Variants in SLC10A7 observed in about 807,000 individuals in gnomAD.
The protein encoded by SLC10A7 is solute carrier family 10 member 7.
In SLC10A7, 29 loss-of-function variants were observed where a neutral mutation model predicts 43.2. That is an observed-to-expected ratio of 0.67 (90% CI 0.50 to 0.92). The LOEUF (loss-of-function observed/expected upper bound fraction) is 0.92, where lower values mean the gene tolerates loss of function less well. Ranked by LOEUF, SLC10A7 falls within the 40% of genes least tolerant of loss-of-function variation. The probability of loss-of-function intolerance (pLI) is 0.00; values close to 1 mark genes in which losing one functional copy is unlikely to be tolerated. For missense variants in SLC10A7, 295 were observed against 403.2 expected, an observed-to-expected ratio of 0.73 and a Z score of 2.30; for synonymous variants, 152 against 144.8, an observed-to-expected ratio of 1.05 and a Z score of -0.35.
At chr4:146,517,485 T>C (rs1474441413) in intron 1 of SLC10A7, among the ~76,000 whole-genome samples, 6 of 151,800 alleles carry the variant, frequency 4.0e-5, no homozygotes, top group South Asian at 2.1e-4. Flanking sequence ...ATAATAATAA[T>C]AACAACAATA....
At chr4:146,386,907 A>G (rs557787678) in intron 5 of SLC10A7, among the ~76,000 whole-genome samples, 2 of 152,350 alleles carry the variant, frequency 1.3e-5, no homozygotes, top group East Asian at 3.9e-4. Context: ...TATTTTTCAT[A>G]GAGCTTAGTA....
At chr4:146,286,849 GTGGTGAGAAGGACTGTGTTTGGAA>G in intron 9 of SLC10A7, among the ~76,000 whole-genome samples, 1 of 152,128 alleles carries the variant, frequency 6.6e-6, no homozygotes. Context: ...TGTGTTTGGA[GTGGTGAGAAGGACTGTGTTTGGAA>G]TGGTGAGAAG....
intron 4 of SLC10A7, among the ~76,000 whole-genome samples, chr4:146,444,936 C>G (rs1169300167): frequency 2.6e-5 from 4 of 152,196 alleles, no homozygotes; most frequent in Admixed American, 2.6e-4. Context: ...TATGAAAGAA[C>G]CATGATTTCC....
chr4:146,257,302 G>A (rs1031461840), intron 11 of SLC10A7, among the ~76,000 whole-genome samples: 1 of 152,184 alleles, frequency 6.6e-6, no homozygotes, highest in Non-Finnish European at 1.5e-5. Context: ...GTGGTACCCA[G>A]CATAGAAGAG....
chr4:146,336,863 T>C (rs1161054257), intron 5 of SLC10A7, among the ~76,000 whole-genome samples: 1 of 152,064 alleles, frequency 6.6e-6, no homozygotes, highest in South Asian at 2.1e-4. Context: ...TGGAATAATA[T>C]GTACATTGCT....
chr4:146,325,943 C>A lies in SLC10A7; in HGVS notation c.471+18G>T. ...AGCTTTTAATAAAATATATTAAAGA[C>A]AACATCAAAATACTCACAAAAAGCA... On this transcript the variant is annotated intron_variant, in intron 6 of 11. Coordinates refer to ENST00000335472, the MANE Select transcript of SLC10A7 (RefSeq NM_001029998.6). The A allele has an allele frequency of 6.2e-7, 1 of 1,605,500 alleles. No homozygotes were observed. The highest frequency in any genetic ancestry group is 8.5e-7 in the Non-Finnish European group (1 of 1,174,502).
chr4:146,412,873 C>T (rs1480468222), intron 5 of SLC10A7, among the ~76,000 whole-genome samples: 2 of 151,934 alleles, frequency 1.3e-5, no homozygotes, highest in African/African-American at 4.8e-5. Context: ...TGTCTGTTTC[C>T]CTCTCTATTT....
chr4:146,479,448 T>C (rs1734278998), intron 4 of SLC10A7, among the ~76,000 whole-genome samples: 1 of 152,338 alleles, frequency 6.6e-6, no homozygotes, highest in African/African-American at 2.4e-5. Flanking sequence ...TAGGTAATCA[T>C]AATTCATTTA....
chr4:146,420,598 T>C (rs1408293116), intron 5 of SLC10A7, among the ~76,000 whole-genome samples: 1 of 152,144 alleles, frequency 6.6e-6, no homozygotes. Context: ...AGCTGAGAGA[T>C]AGGTACATAA....
At chr4:146,297,883 C>T (rs1022051509) in intron 7 of SLC10A7, among the ~76,000 whole-genome samples, 1 of 152,208 alleles carries the variant, frequency 6.6e-6, no homozygotes, top group Non-Finnish European at 1.5e-5. Flanking sequence ...TTCTTCCCCT[C>T]TATTAATTCA....
chr4:146,256,660 C>A, intron 11 of SLC10A7, 140 bp from the exon 12 acceptor site: 1 of 1,069,874 alleles, frequency 9.3e-7, no homozygotes, highest in Non-Finnish European at 1.4e-6. Flanking sequence ...TAATCCAAAC[C>A]TCTGGATACA....
chr4:146,469,683 C>T (rs1221776792), intron 4 of SLC10A7, among the ~76,000 whole-genome samples: 1 of 152,118 alleles, frequency 6.6e-6, no homozygotes, highest in African/African-American at 2.4e-5. Context: ...GGCTTGAGCG[C>T]AGTGGCATGA....
intron 10 of SLC10A7, among the ~76,000 whole-genome samples, chr4:146,281,950 C>A (rs1276296789): frequency 6.6e-6 from 1 of 152,176 alleles, no homozygotes; most frequent in Non-Finnish European, 1.5e-5. Flanking sequence ...TACCTATTAT[C>A]TACCAAGTGC....
chr4:146,444,121 G>A (rs147186905), intron 4 of SLC10A7, among the ~76,000 whole-genome samples: 1 of 152,284 alleles, frequency 6.6e-6, no homozygotes, highest in African/African-American at 2.4e-5. Context: ...TTCCATTATG[G>A]ATGATTCCAG....
At chr4:146,509,149 C>T (rs1737215390) in intron 3 of SLC10A7, among the ~76,000 whole-genome samples, 1 of 152,210 alleles carries the variant, frequency 6.6e-6, no homozygotes, top group Non-Finnish European at 1.5e-5. Context: ...CATCATTTAT[C>T]TCTATCTTGC....
At chr4:146,313,627 T>C (rs1417167198) in intron 6 of SLC10A7, among the ~76,000 whole-genome samples, 2 of 152,128 alleles carry the variant, frequency 1.3e-5, no homozygotes, top group African/African-American at 2.4e-5. Context: ...AAAATAATTA[T>C]TGTACATGAC....
intron 4 of SLC10A7, among the ~76,000 whole-genome samples, chr4:146,456,018 G>A (rs1205177285): frequency 6.6e-6 from 1 of 151,626 alleles, no homozygotes; most frequent in South Asian, 2.1e-4. Flanking sequence ...TGATTTTCAT[G>A]GTGTAAATAC....
At chr4:146,320,706 A>G (rs1732646548) in intron 6 of SLC10A7, among the ~76,000 whole-genome samples, 1 of 152,110 alleles carries the variant, frequency 6.6e-6, no homozygotes, top group Non-Finnish European at 1.5e-5. Flanking sequence ...TTTAAAGCAT[A>G]CTGTTAAAAA....
At chr4:146,495,787 ACAC>A (rs1735842369) in intron 4 of SLC10A7, among the ~76,000 whole-genome samples, 1 of 151,636 alleles carries the variant, frequency 6.6e-6, no homozygotes, top group African/African-American at 2.4e-5. Context: ...ACACACACAC[ACAC>A]ACACACACAC....
Sources: allele counts gnomAD v4.1 joint callset (sites outside exome capture counted in the v4.1 genomes callset), GRCh38; gene constraint gnomAD v4.1.1; transcripts MANE v1.5; gene names NCBI Gene and HGNC (gene_info 2026-07-23, HGNC 2026-07-21).